DOCK5: variants seen among roughly 807,000 people sequenced by gnomAD.
The protein encoded by DOCK5 is dedicator of cytokinesis 5.
A neutral mutation model predicts 251.8 loss-of-function variants in DOCK5; 142 were observed. That is an observed-to-expected ratio of 0.56 (90% CI 0.49 to 0.65). DOCK5 has a LOEUF of 0.65. DOCK5 is among the 30% of genes least tolerant of loss of function. The pLI, the probability that DOCK5 is intolerant of heterozygous loss-of-function variation, is 0.00. For synonymous variants in DOCK5, 842 were observed against 835.5 expected, an observed-to-expected ratio of 1.01 and a Z score of -0.13; for missense variants, 2,111 against 2,312.3, an observed-to-expected ratio of 0.91 and a Z score of 1.79.
At chr8:25,265,117 A>G (rs993125133) in intron 2 of DOCK5, among the ~76,000 whole-genome samples, 2 of 151,424 alleles carry the variant, frequency 1.3e-5, no homozygotes, top group Admixed American at 6.6e-5. Flanking sequence ...TCCATGGCAT[A>G]TAATACCTGT....
chr8:25,195,637 C>A (rs1405851774), intron 1 of DOCK5, among the ~76,000 whole-genome samples: 5 of 152,168 alleles, frequency 3.3e-5, no homozygotes, highest in Non-Finnish European at 7.3e-5. Context: ...GAATGTGTTT[C>A]CCTAGATCTT....
At chr8:25,281,198 C>T (rs1041564647) in intron 5 of DOCK5, among the ~76,000 whole-genome samples, 7 of 148,284 alleles carry the variant, frequency 4.7e-5, no homozygotes, top group Admixed American at 1.3e-4. Flanking sequence ...AGGCTGAGGA[C>T]GGCGGATCAC....
rs148241858 is a variant in DOCK5 at position 25,403,549 on chromosome 8, T to C, written c.4927-9T>C. Reference sequence around the variant, plus strand: ...GGTCCGCTAACCATGTGGAGTCATATGTTTTCAGCCACCCAACTTGACGGA... The same window carrying C: ...GGTCCGCTAACCATGTGGAGTCATACGTTTTCAGCCACCCAACTTGACGGA... On this transcript the variant is annotated splice_polypyrimidine_tract_variant and intron_variant, in intron 47 of 51. Transcript: ENST00000276440. 2,189 of 1,613,524 alleles carry C rather than the reference T, an allele frequency of 1.4e-3. 3 individuals are homozygous for C. The highest frequency in any genetic ancestry group is 1.6e-3 in the Non-Finnish European group (1,903 of 1,179,658).
rs143691736 is a variant in DOCK5 at position 25,390,698 on chromosome 8, T to A, written c.4355+411T>A. Among the ~76,000 whole-genome samples the A allele has an allele frequency of 2.5e-3, 374 of 152,290 alleles. 3 individuals carry two copies. In the South Asian group the frequency reaches 0.028, roughly 12 times the overall value. On this transcript the variant is annotated intron_variant, in intron 42 of 51. Transcript: ENST00000276440. ...TCGCAGAGGAGTGGCTGGTCCCCAG[T>A]GATGGAGGGGCTCATTCCTTGTCTT...
intron 13 of DOCK5, among the ~76,000 whole-genome samples, chr8:25,314,196 C>T (rs1195450719): frequency 1.6e-4 from 24 of 150,612 alleles, no homozygotes; most frequent in Non-Finnish European, 3.1e-4. Flanking sequence ...CTGTAAGCCT[C>T]GATCTCCGAG....
chr8:25,408,458 CTTCT>C (rs934114765), intron 49 of DOCK5, among the ~76,000 whole-genome samples: 4 of 152,152 alleles, frequency 2.6e-5, no homozygotes, highest in African/African-American at 9.7e-5. Context: ...TGTCATTTCT[CTTCT>C]TTAATTTTTT....
chr8:25,318,454 G>C (rs186309630), intron 14 of DOCK5, among the ~76,000 whole-genome samples: 3 of 145,962 alleles, frequency 2.1e-5, no homozygotes, highest in African/African-American at 7.6e-5. Context: ...CTGTCTTTCC[G>C]CTCCCTTCCC....
chr8:25,374,413 T>C (rs1366513749), intron 36 of DOCK5, 151 bp from the exon 37 acceptor site: 2 of 733,670 alleles, frequency 2.7e-6, no homozygotes, highest in Non-Finnish European at 4.4e-6. Context: ...GTGGATCACT[T>C]GAGCCCTGGG....
chr8:25,267,078 C>T (rs1272466878), intron 2 of DOCK5, among the ~76,000 whole-genome samples: 5 of 152,092 alleles, frequency 3.3e-5, no homozygotes, highest in Admixed American at 6.6e-5. Flanking sequence ...AGGGTGAATT[C>T]GAAGCCATTT....
rs1801658526 is a variant in DOCK5 at position 25,413,065 on chromosome 8, C to G, written c.*1767C>G. 6.6e-6 allele frequency: 1 copy of G among 152,190 alleles called. No individual in the cohort carries two copies. Among genetic ancestry groups the G allele is most frequent in the South Asian group, 2.1e-4 (1 of 4,830 alleles). 9.4% of individuals were successfully genotyped at this position (152,190 alleles called of 1,614,324 possible). Reference sequence around the variant, plus strand: ...TGGTTTCAAATCCCAGTTATGACATCTGTTAACTTTGCAAACTCACAAAAA... The same window carrying G: ...TGGTTTCAAATCCCAGTTATGACATGTGTTAACTTTGCAAACTCACAAAAA... On this transcript the variant is annotated 3_prime_UTR_variant, in exon 52 of 52. Coordinates refer to ENST00000276440, the MANE Select transcript of DOCK5 (RefSeq NM_024940.8).
chr8:25,338,952 G>T (rs1393693641), intron 22 of DOCK5, among the ~76,000 whole-genome samples: 1 of 152,190 alleles, frequency 6.6e-6, no homozygotes, highest in African/African-American at 2.4e-5. Flanking sequence ...GAAAACAAAA[G>T]GTTAGGGCGA....
At position 25,337,710 on chromosome 8, in the gene DOCK5, C is replaced by T. The variant is rs977516245; in HGVS notation, c.2327+1337C>T. ...AAGCGATTCTCGTGCCTCAGCCTCC[C>T]GAGTAGCTGGGACTACAGGTGCATA... On this transcript the variant is annotated intron_variant, in intron 22 of 51. Coordinates refer to ENST00000276440, the MANE Select transcript of DOCK5 (RefSeq NM_024940.8). 8.6e-5 allele frequency among the ~76,000 whole-genome samples: 13 copies of T among 151,734 alleles called. No homozygotes were observed. In the South Asian group the frequency reaches 1.3e-3, roughly 15 times the overall value.
chr8:25,406,430 A>G (rs1801524340), intron 48 of DOCK5, among the ~76,000 whole-genome samples: 1 of 152,238 alleles, frequency 6.6e-6, no homozygotes, highest in Non-Finnish European at 1.5e-5. Flanking sequence ...CCATAATACA[A>G]TAATTACATC....
At chr8:25,337,211 A>G (rs985899743) in intron 22 of DOCK5, among the ~76,000 whole-genome samples, 1 of 152,208 alleles carries the variant, frequency 6.6e-6, no homozygotes, top group African/African-American at 2.4e-5. Flanking sequence ...ATTTCATACT[A>G]TCAAAAGAAT....
In DOCK5 at chr8:25,184,738, A is replaced by C; in HGVS notation, c.-171A>C. The stretch of plus-strand genomic sequence containing the variant: ...GCAGGTGACCGCGGGCGGCGCGGGC[A>C]CGGGCACGGGCGCGGGCGGCGCGGC... On this transcript the variant is annotated 5_prime_UTR_variant, in exon 1 of 52. Coordinates refer to ENST00000276440, the MANE Select transcript of DOCK5 (RefSeq NM_024940.8). The C allele has an allele frequency of 2.5e-6, 1 of 400,664 alleles. No homozygotes were observed. The highest frequency in any genetic ancestry group is 3.8e-6 in the Non-Finnish European group (1 of 266,136). The allele number at this position is 400,664 out of a possible 1,614,324, so 24.8% of individuals were successfully genotyped here.
rs779893843 is a variant in DOCK5 at position 25,292,177 on chromosome 8, G to A, written c.470+5G>A. ...CAAAATTGATCATGGGAACAGGTAG[G>A]TAAACCAGGGATGGCTTTTCACTGA... On this transcript the variant is annotated splice_donor_5th_base_variant and intron_variant, in intron 6 of 51. Coordinates refer to ENST00000276440, the MANE Select transcript of DOCK5 (RefSeq NM_024940.8). 1.3e-6 allele frequency: 2 copies of A among 1,562,142 alleles called. No individual in the cohort carries two copies. The highest frequency in any genetic ancestry group is 1.7e-4 in the Middle Eastern group (1 of 5,948).
At position 25,360,290 on chromosome 8, in the gene DOCK5, G is replaced by A. The variant is rs116215728; in HGVS notation, c.2949+1229G>A. 4.5e-3 allele frequency among the ~76,000 whole-genome samples: 682 copies of A among 152,342 alleles called. 5 individuals carry two copies. Among genetic ancestry groups the A allele is most frequent in the African/African-American group, 0.015 (629 of 41,580 alleles). Reference sequence around the variant, plus strand: ...GGTTCCATGGTGGACTCTCAATGCCGTGTTAGACTACGTGGCTTTAGCTGA... The same window carrying A: ...GGTTCCATGGTGGACTCTCAATGCCATGTTAGACTACGTGGCTTTAGCTGA... On this transcript the variant is annotated intron_variant, in intron 28 of 51. Coordinates refer to ENST00000276440, the MANE Select transcript of DOCK5 (RefSeq NM_024940.8).
At chr8:25,381,480 G>T (rs1179712841) in intron 39 of DOCK5, among the ~76,000 whole-genome samples, 1 of 152,032 alleles carries the variant, frequency 6.6e-6, no homozygotes. Context: ...TAAAAAATTA[G>T]CTGGGTGTGG....
At chr8:25,204,576 A>G (rs940089535) in intron 1 of DOCK5, among the ~76,000 whole-genome samples, 2 of 152,252 alleles carry the variant, frequency 1.3e-5, no homozygotes, top group African/African-American at 4.8e-5. Flanking sequence ...TTGACATGCC[A>G]TTGAACTTTC....
Sources: gnomAD v4.1 joint callset for allele counts (sites outside exome capture counted in the v4.1 genomes callset) on GRCh38, gnomAD v4.1.1 for gene constraint, MANE v1.5 for transcripts, NCBI Gene and HGNC (gene_info 2026-07-23, HGNC 2026-07-21) for gene names.